LEO1: variants seen among roughly 807,000 people sequenced by gnomAD.
LEO1 encodes RNA polymerase-associated protein LEO1.
Under a neutral mutation model 80.4 loss-of-function variants are expected in LEO1, and 34 were observed. The observed-to-expected ratio is 0.42, with a 90% CI of 0.32 to 0.56. LEO1 has a LOEUF of 0.56. Among genes scored for constraint, LEO1 ranks in the 20% least tolerant of loss-of-function variants. The pLI, the probability that LEO1 is intolerant of heterozygous loss-of-function variation, is 0.10. For missense variants in LEO1, 631 were observed against 814.2 expected, an observed-to-expected ratio of 0.77 and a Z score of 2.74; for synonymous variants, 262 against 274.9, an observed-to-expected ratio of 0.95 and a Z score of 0.46.
chr15:51,958,988 G>A (rs2057010078), intron 5 of LEO1, among the ~76,000 whole-genome samples, 162 bp from the exon 6 acceptor site: 1 of 150,718 alleles, frequency 6.6e-6, no homozygotes, highest in Non-Finnish European at 1.5e-5. Context: ...CAAGGAAGTA[G>A]TAATTGTACT....
Position 51,938,243 on chromosome 15 carries a change from T to A in LEO1, c.1914A>T (p.Gly638=), listed in dbSNP as rs561527710. The change falls in exon 12 of 12, where the codon GGA becomes GGT. Residue 638 remains glycine, a synonymous_variant. Transcript: ENST00000299601. The stretch of plus-strand genomic sequence containing the variant: ...TATCATCATCTTCTGCTTTTCTCTT[T>A]CCGGAAGGTTCACCTTCCTAAACAG... ...LTSDEEGEPS[G]KRKAEDDDKA... 8.2e-5 allele frequency: 132 copies of A among 1,602,594 alleles called. 2 individuals are homozygous for A. In the East Asian group the frequency reaches 2.9e-3, roughly 36 times the overall value.
intron 11 of LEO1, among the ~76,000 whole-genome samples, chr15:51,943,993 T>A (rs1233799562): frequency 6.6e-6 from 1 of 151,976 alleles, no homozygotes; most frequent in Non-Finnish European, 1.5e-5. Context: ...CACACCAACA[T>A]ACACCTAATG....
At chr15:51,946,559 T>C (rs1213269123) in intron 11 of LEO1, among the ~76,000 whole-genome samples, 2 of 151,696 alleles carry the variant, frequency 1.3e-5, no homozygotes, top group Non-Finnish European at 2.9e-5. Flanking sequence ...GAAATCATTT[T>C]CTTTTTTTTT....
At chr15:51,965,180 A>ATAACTGATCC (rs2057065072) in intron 2 of LEO1, among the ~76,000 whole-genome samples, 2 of 152,246 alleles carry the variant, frequency 1.3e-5, no homozygotes, top group Non-Finnish European at 2.9e-5. Flanking sequence ...TAAGGGAGAA[A>ATAACTGATCC]TAACTGATCC....
chr15:51,952,325 T>C (rs2056955892), intron 8 of LEO1: 1 of 149,520 alleles, frequency 6.7e-6, no homozygotes, highest in Non-Finnish European at 1.5e-5. Flanking sequence ...TTACTTTTAA[T>C]TAATATTAAT....
chr15:51,960,393 A>G (rs1449998990), intron 4 of LEO1, among the ~76,000 whole-genome samples: 1 of 152,202 alleles, frequency 6.6e-6, no homozygotes, highest in Non-Finnish European at 1.5e-5. Context: ...ATTCAAGTCA[A>G]TGGTTCTCAA....
At chr15:51,949,716 A>AG in intron 10 of LEO1, 92 bp downstream of exon 10, 1 of 1,126,648 alleles carries the variant, frequency 8.9e-7, no homozygotes, top group Non-Finnish European at 1.3e-6. Flanking sequence ...AAAAAAAAAA[A>AG]GTCCAGTGAC....
chr15:51,953,385 C>G, intron 7 of LEO1, 122 bp from the exon 8 acceptor site: 1 of 936,094 alleles, frequency 1.1e-6, no homozygotes, highest in Non-Finnish European at 1.6e-6. Flanking sequence ...CACTTTGGGA[C>G]ACCAAGGCAG....
Position 51,953,408 on chromosome 15 carries a change from G to A in LEO1, c.1341-145C>T, listed in dbSNP as rs2056964321. The stretch of plus-strand genomic sequence containing the variant: ...GACACCAAGGCAGGTGGATCACGAG[G>A]TCAGGAGTTTGAGACAAGGCTGGTC... On this transcript the variant is annotated intron_variant, in intron 7 of 11. Coordinates refer to ENST00000299601, the MANE Select transcript of LEO1 (RefSeq NM_138792.4). 5.4e-6 allele frequency: 4 copies of A among 737,286 alleles called. No homozygotes were observed. The East Asian group carries it at 1.1e-4, about 20-fold the overall frequency. The allele number at this position is 737,286 out of a possible 1,614,324, so 45.7% of individuals were successfully genotyped here.
chr15:51,939,771 C>T (rs2056832494), intron 11 of LEO1, among the ~76,000 whole-genome samples: 1 of 152,172 alleles, frequency 6.6e-6, no homozygotes, highest in African/African-American at 2.4e-5. Flanking sequence ...CTCTAAAATC[C>T]TTTAATGAGA....
At chr15:51,958,849 A>T (rs781004552) in intron 5 of LEO1, 23 bp from the exon 6 acceptor site, 9 of 1,265,514 alleles carry the variant, frequency 7.1e-6, no homozygotes, top group African/African-American at 4.5e-5. Context: ...TTCCAAATAA[A>T]CTATTAATCA....
Position 51,953,261 on chromosome 15 carries a change from A to G in LEO1, c.1343T>C (p.Met448Thr). ...ARIVKWSDGS[M>T]SLHLGNEVFD... ...CACTTCATTGCCTAAATGCAGGGACATGCTGGAAAGAGAAACATTTCATCT... is the reference window on the plus strand; with the variant it reads ...CACTTCATTGCCTAAATGCAGGGACGTGCTGGAAAGAGAAACATTTCATCT... Residue 448 changes from methionine (M) to threonine (T), a missense_variant and splice_region_variant, in exon 8 of 12, where the codon ATG becomes ACG. Met to Thr is a moderately conservative substitution (Grantham distance 81). Transcript: ENST00000299601. 1 of 1,612,450 alleles carries G rather than the reference A, an allele frequency of 6.2e-7. No homozygotes were observed. The highest frequency in any genetic ancestry group is 8.5e-7 in the Non-Finnish European group (1 of 1,179,486).
chr15:51,940,869 G>A (rs971880237), intron 11 of LEO1, among the ~76,000 whole-genome samples: 5 of 152,002 alleles, frequency 3.3e-5, no homozygotes, highest in African/African-American at 9.7e-5. Flanking sequence ...AGGCTGAGGC[G>A]GGCAGATCAC....
At chr15:51,949,006 A>G (rs1261667773) in intron 10 of LEO1, among the ~76,000 whole-genome samples, 1 of 152,162 alleles carries the variant, frequency 6.6e-6, no homozygotes, top group Non-Finnish European at 1.5e-5. Context: ...CTCAATAAAA[A>G]CAAGGAAATA....
chr15:51,971,219 A>G (rs1595951578), intron 1 of LEO1, among the ~76,000 whole-genome samples: 1 of 152,306 alleles, frequency 6.6e-6, no homozygotes, highest in Non-Finnish European at 1.5e-5. Flanking sequence ...TCATCCAGAC[A>G]TCTCAAGCTC....
intron 6 of LEO1, among the ~76,000 whole-genome samples, chr15:51,955,439 T>A (rs1483494314): frequency 6.6e-6 from 1 of 152,188 alleles, no homozygotes; most frequent in African/African-American, 2.4e-5. Flanking sequence ...CTTACCTGCA[T>A]GGTGGGGAAA....
At chr15:51,950,104 T>C in intron 9 of LEO1, 110 bp from the exon 10 acceptor site, 2 of 956,492 alleles carry the variant, frequency 2.1e-6, no homozygotes, top group Non-Finnish European at 3.0e-6. Context: ...ATAACAGCTG[T>C]GCCGTGTGTG....
In LEO1 at chr15:51,962,500, G is replaced by A. The variant is rs748222411; in HGVS notation, c.815-7C>T. ...TCACTGCCTCTTGCAGATTCTATAA[G>A]GGTAGAATTAGAAGTTCTGCATAAT... is the stretch of plus-strand genomic sequence containing the variant. On this transcript the variant is annotated splice_region_variant and splice_polypyrimidine_tract_variant and intron_variant, in intron 2 of 11. Transcript: ENST00000299601. The A allele has an allele frequency of 1.6e-5, 25 of 1,583,186 alleles. No homozygotes were observed. Among genetic ancestry groups the A allele is most frequent in the Non-Finnish European group, 2.0e-5 (23 of 1,154,966 alleles).
At chr15:51,952,085 C>T (rs2056953861) in intron 8 of LEO1, 106 bp from the exon 9 acceptor site, 1 of 983,346 alleles carries the variant, frequency 1.0e-6, no homozygotes, top group Non-Finnish European at 1.5e-6. Context: ...TTCCTAGTCA[C>T]CTGAAAAAAT....
Sources: allele counts gnomAD v4.1 joint callset (sites outside exome capture counted in the v4.1 genomes callset), GRCh38; gene constraint gnomAD v4.1.1; transcripts MANE v1.5; gene names NCBI Gene and HGNC (gene_info 2026-07-23, HGNC 2026-07-21).